The following LRRC37A2 variants were observed in gnomAD, a reference collection of about 807,000 sequenced individuals.
The protein encoded by LRRC37A2 is leucine-rich repeat-containing protein 37A2.
Under a neutral mutation model 68.8 loss-of-function variants are expected in LRRC37A2, and 9 were observed. The ratio of observed to expected loss-of-function variants is 0.13; its 90% CI spans 0.08 to 0.23. The LOEUF (loss-of-function observed/expected upper bound fraction) is 0.23, where lower values mean the gene tolerates loss of function less well. Ranked by LOEUF, LRRC37A2 falls within the 10% of genes least tolerant of loss-of-function variation. The probability of loss-of-function intolerance (pLI) is 1.00; values close to 1 mark genes in which losing one functional copy is unlikely to be tolerated. For missense variants in LRRC37A2, 168 were observed against 950.4 expected, an observed-to-expected ratio of 0.18 and a Z score of 10.82; for synonymous variants, 63 against 367.6, an observed-to-expected ratio of 0.17 and a Z score of 9.48.
chr17:46,551,532 T>C (rs1485374914), intron 11 of LRRC37A2, among the ~76,000 whole-genome samples: 1 of 147,604 alleles, frequency 6.8e-6, no homozygotes, highest in Admixed American at 6.7e-5. Flanking sequence ...TCACTCTGCC[T>C]GTGGGAGTCC....
chr17:46,940,041 C>A, the LRRC37A2 span: 1 of 1,059,446 alleles, frequency 9.4e-7, no homozygotes, highest in Non-Finnish European at 1.1e-6. Flanking sequence ...GTTGTCCTGC[C>A]CTACCTGCTC....
the LRRC37A2 span, chr17:46,941,005 A>G: frequency 3.1e-4 from 350 of 1,134,682 alleles, no homozygotes; most frequent in African/African-American, 3.7e-3. Flanking sequence ...AGCACCCTCT[A>G]GTGGAGGCGG....
At chr17:46,900,988 G>A in the LRRC37A2 span, among the ~76,000 whole-genome samples, 1 of 152,192 alleles carries the variant, frequency 6.6e-6, no homozygotes, top group African/African-American at 2.4e-5. Context: ...CCAATCAGCT[G>A]TAATGCAATG....
the LRRC37A2 span, among the ~76,000 whole-genome samples, chr17:46,908,627 G>A: frequency 3.4e-4 from 52 of 152,260 alleles, 1 homozygote; most frequent in South Asian, 9.8e-3. Flanking sequence ...AGATGTGGCC[G>A]CCATCTGGCT....
the LRRC37A2 span, among the ~76,000 whole-genome samples, chr17:47,000,091 T>TAA: frequency 5.3e-3 from 330 of 62,532 alleles, 17 homozygotes; most frequent in African/African-American, 0.014. Flanking sequence ...TAAAATAAAA[T>TAA]AAAATAAAAT....
the LRRC37A2 span, among the ~76,000 whole-genome samples, chr17:46,794,990 A>T: frequency 6.6e-6 from 1 of 151,806 alleles, no homozygotes; most frequent in Non-Finnish European, 1.5e-5. Flanking sequence ...ACCACAGGTG[A>T]TCTGCCCGCC....
At chr17:46,793,571 G>A in the LRRC37A2 span, among the ~76,000 whole-genome samples, 6 of 152,170 alleles carry the variant, frequency 3.9e-5, no homozygotes, top group African/African-American at 7.2e-5. Context: ...GGAGACCCCC[G>A]ACCTGAGGGC....
At chr17:47,038,307 T>C in the LRRC37A2 span, among the ~76,000 whole-genome samples, 5 of 151,686 alleles carry the variant, frequency 3.3e-5, no homozygotes, top group African/African-American at 1.2e-4. Flanking sequence ...TCTTGAAAAA[T>C]GAACAGTAAA....
the LRRC37A2 span, among the ~76,000 whole-genome samples, chr17:46,754,639 A>T: frequency 1.3e-5 from 2 of 152,252 alleles, no homozygotes; most frequent in African/African-American, 4.8e-5. Flanking sequence ...AATGAAAACC[A>T]GTCGAGATAG....
the LRRC37A2 span, among the ~76,000 whole-genome samples, chr17:46,737,511 G>A: frequency 1.3e-5 from 2 of 152,078 alleles, no homozygotes; most frequent in African/African-American, 2.4e-5. Flanking sequence ...AAGGAAGCAA[G>A]GGTGGCTGCA....
chr17:47,037,851 T>G, the LRRC37A2 span, among the ~76,000 whole-genome samples: 3 of 152,338 alleles, frequency 2.0e-5, no homozygotes, highest in East Asian at 5.8e-4. Context: ...CAAGTCAGAT[T>G]CAGTAGTTCA....
exon 10 of LRRC37A2, chr17:46,549,375 C>G (rs1167241272): frequency 6.4e-7 from 1 of 1,556,810 alleles, no homozygotes; most frequent in South Asian, 1.2e-5. Context: ...CAGAAGGAAC[C>G]ATCTCTGAAA....
the LRRC37A2 span, among the ~76,000 whole-genome samples, chr17:46,867,950 G>A: frequency 7.2e-5 from 11 of 152,296 alleles, no homozygotes; most frequent in South Asian, 8.3e-4. Context: ...TGGGGTGAAG[G>A]TGCAGAGAAC....
At chr17:46,966,498 C>T in the LRRC37A2 span, 123 of 680,066 alleles carry the variant, frequency 1.8e-4, no homozygotes, top group African/African-American at 1.9e-3. Context: ...CAGGTGCACC[C>T]CACCACACCC....
chr17:46,827,788 C>CT, the LRRC37A2 span, among the ~76,000 whole-genome samples: 4 of 150,790 alleles, frequency 2.7e-5, no homozygotes, highest in African/African-American at 9.7e-5. Flanking sequence ...TTTCTTTTCT[C>CT]TTTTTTTGAG....
At chr17:46,392,219 T>TC in the LRRC37A2 span, among the ~76,000 whole-genome samples, 16 of 69,426 alleles carry the variant, frequency 2.3e-4, no homozygotes, top group African/African-American at 6.5e-4. Context: ...TTTTCTTTTT[T>TC]TTTTTTTTTT....
chr17:46,927,863 C>T, the LRRC37A2 span, among the ~76,000 whole-genome samples: 4 of 152,082 alleles, frequency 2.6e-5, no homozygotes, highest in African/African-American at 9.7e-5. Flanking sequence ...TTTATTATGT[C>T]ACTGTTCGTG....
At chr17:46,816,318 GAC>G in the LRRC37A2 span, among the ~76,000 whole-genome samples, 19 of 152,126 alleles carry the variant, frequency 1.2e-4, no homozygotes, top group African/African-American at 3.1e-4. Context: ...CTCGTGTGCA[GAC>G]ACACACAGCA....
the LRRC37A2 span, among the ~76,000 whole-genome samples, chr17:46,934,332 G>T: frequency 6.6e-6 from 1 of 152,130 alleles, no homozygotes; most frequent in Non-Finnish European, 1.5e-5. Context: ...GTGAAACCCT[G>T]TCTCTACCAA....
Sources: allele counts gnomAD v4.1 joint callset (sites outside exome capture counted in the v4.1 genomes callset), GRCh38; gene constraint gnomAD v4.1.1; transcripts MANE v1.5; gene names NCBI Gene and HGNC (gene_info 2026-07-23, HGNC 2026-07-21).